Variants in LNPEP observed in about 807,000 individuals in gnomAD.
LNPEP encodes the protein leucyl and cystinyl aminopeptidase, also known as leucyl-cystinyl aminopeptidase.
Under a neutral mutation model 120.6 loss-of-function variants are expected in LNPEP, and 64 were observed. That is an observed-to-expected ratio of 0.53 (90% confidence interval 0.43 to 0.65). The LOEUF is 0.65. Ranked by LOEUF, LNPEP falls within the 30% of genes least tolerant of loss-of-function variation. The pLI is 0.00. For missense variants in LNPEP, 1,057 were observed against 1,200.0 expected (o/e 0.88, Z 1.76); for synonymous variants, 435 against 425.4 (o/e 1.02, Z -0.28).
chr5:96,972,042 A>G lies in LNPEP; in HGVS notation c.20-7096A>G, dbSNP rs180820246. ...CTAGTAATTTTTTATTACATATTGA[A>G]TAGTGTCAATGGCACATGGTAGAGA... On this transcript the variant is annotated intron_variant, in intron 1 of 17. Coordinates refer to ENST00000231368, the MANE Select transcript of LNPEP (RefSeq NM_005575.3). Among the ~76,000 whole-genome samples the G allele has an allele frequency of 1.9e-3, 296 of 152,194 alleles. 1 individual carries two copies. Among genetic ancestry groups the G allele is most frequent in the African/African-American group, 6.8e-3 (284 of 41,514 alleles).
intron 1 of LNPEP, among the ~76,000 whole-genome samples, chr5:96,955,396 C>G (rs1006958818): frequency 1.3e-5 from 2 of 152,222 alleles, no homozygotes; most frequent in East Asian, 3.9e-4. Context: ...GGGCAGATCA[C>G]TTGAGGCCAG....
rs1360414938 is a variant in LNPEP, at chr5:97,024,601, A to G, written c.2642A>G (p.Tyr881Cys). Residue 881 changes from tyrosine to cysteine, a missense_variant, in exon 15 of 18, where the codon TAC becomes TGC. Tyr to Cys is a radical substitution (Grantham distance 194). Transcript: ENST00000231368. ...DKGWSFLLGK[Y>C]ISIGSEAEKN... ...GGCTGGTCATTCCTTTTGGGCAAAT[A>G]CATTTCTATAGGCTCTGAAGCAGAG... 3 of 1,614,006 alleles carry G rather than the reference A, an allele frequency of 1.9e-6. No homozygotes were observed. Among genetic ancestry groups the G allele is most frequent in the African/African-American group, 1.3e-5 (1 of 74,938 alleles).
At position 96,976,926 on chromosome 5, in the gene LNPEP, C is replaced by CTT. The variant is rs11390165; in HGVS notation, c.20-2202_20-2201dup. ...CTATTAACTATCAAAACAGAACATACTTTTTTTTTTTAACAAGAAATTGGG... is the reference window on the plus strand; with the variant it reads ...CTATTAACTATCAAAACAGAACATACTTTTTTTTTTTTTAACAAGAAATTGGG... On this transcript the variant is annotated intron_variant, in intron 1 of 17. Transcript: ENST00000231368. Among the ~76,000 whole-genome samples, 1,452 of 148,170 alleles carry CTT rather than the reference C, an allele frequency of 9.8e-3. 12 individuals are homozygous for CTT. Among genetic ancestry groups the CTT allele is most frequent in the African/African-American group, 0.03 (1,212 of 40,486 alleles).
At chr5:96,990,077 T>C (rs780103684) in intron 4 of LNPEP, among the ~76,000 whole-genome samples, 8 of 152,214 alleles carry the variant, frequency 5.3e-5, no homozygotes, top group Non-Finnish European at 1.0e-4. Context: ...TTGAGGCAAC[T>C]GTAACACAAG....
In LNPEP at chr5:97,027,675, A is replaced by G. The variant is rs1442020995; in HGVS notation, c.2865-58A>G. 4.6e-6 allele frequency: 5 copies of G among 1,098,530 alleles called. No individual in the cohort carries two copies. The Admixed American group carries it at 6.9e-5, about 15-fold the overall frequency. 68.0% of individuals were successfully genotyped at this position (1,098,530 alleles called of 1,614,324 possible). A position where few individuals can be genotyped will look rare whatever the true frequency, so the allele number is the denominator to read the frequency against. ...TTAAAGACTTTTCCTTGCACTCAGGAACAACGCTTTACCAGCAGCTGCCTA... is the reference window on the plus strand; with the variant it reads ...TTAAAGACTTTTCCTTGCACTCAGGGACAACGCTTTACCAGCAGCTGCCTA... On this transcript the variant is annotated intron_variant, in intron 16 of 17. Transcript: ENST00000231368.
chr5:96,966,025 T>C (rs1022596667), intron 1 of LNPEP, among the ~76,000 whole-genome samples: 1 of 152,144 alleles, frequency 6.6e-6, no homozygotes, highest in Non-Finnish European at 1.5e-5. Flanking sequence ...GAATTTCTCC[T>C]TTTCAACTAA....
At chr5:96,985,764 T>G (rs903089193) in intron 3 of LNPEP, among the ~76,000 whole-genome samples, 1 of 151,622 alleles carries the variant, frequency 6.6e-6, no homozygotes, top group Non-Finnish European at 1.5e-5. Context: ...TTTTGTTTTT[T>G]TTTTTTTGGT....
At chr5:96,975,120 T>C (rs1789958392) in intron 1 of LNPEP, among the ~76,000 whole-genome samples, 1 of 152,132 alleles carries the variant, frequency 6.6e-6, no homozygotes, top group Non-Finnish European at 1.5e-5. Flanking sequence ...GGTGAGGAAA[T>C]TGAGGCTAAG....
At chr5:96,964,498 T>C (rs1261252718) in intron 1 of LNPEP, among the ~76,000 whole-genome samples, 1 of 152,086 alleles carries the variant, frequency 6.6e-6, no homozygotes, top group East Asian at 1.9e-4. Context: ...TTTTGAATAC[T>C]TTTCTATGTT....
At position 97,032,468 on chromosome 5, in the gene LNPEP, A is replaced by G. The variant is rs1461895839; in HGVS notation, c.*3935A>G. ...TTTTTTCAGTGGTTTTTTTGGGAGT[A>G]TATACTTTAAAAATGTACATACATG... On this transcript the variant is annotated 3_prime_UTR_variant, in exon 18 of 18. Coordinates refer to ENST00000231368, the MANE Select transcript of LNPEP (RefSeq NM_005575.3). 3 of 152,118 alleles carry G rather than the reference A, an allele frequency of 2.0e-5. No individual in the cohort carries two copies. The highest frequency in any genetic ancestry group is 4.4e-5 in the Non-Finnish European group (3 of 68,030). The allele number at this position is 152,118 out of a possible 1,614,324, so 9.4% of individuals were successfully genotyped here.
rs1049243178 is a variant in LNPEP, at chr5:97,029,663, G to A, written c.*1130G>A. ...TGTGGGATAGGAGTAACTTGAATTC[G>A]TGTTTAGTATGGTGGGCTTTGAATT... On this transcript the variant is annotated 3_prime_UTR_variant, in exon 18 of 18. Coordinates refer to ENST00000231368, the MANE Select transcript of LNPEP (RefSeq NM_005575.3). The A allele has an allele frequency of 2.0e-5, 3 of 152,162 alleles. No individual in the cohort carries two copies. Among genetic ancestry groups the A allele is most frequent in the East Asian group, 1.9e-4 (1 of 5,200 alleles). 9.4% of individuals were successfully genotyped at this position (152,162 alleles called of 1,614,324 possible).
intron 17 of LNPEP, among the ~76,000 whole-genome samples, chr5:97,028,084 C>A (rs1233519741): frequency 6.6e-6 from 1 of 152,156 alleles, no homozygotes; most frequent in Non-Finnish European, 1.5e-5. Flanking sequence ...GAATTGCATT[C>A]TTGGGGTGAA....
intron 1 of LNPEP, among the ~76,000 whole-genome samples, chr5:96,957,121 C>T (rs554913173): frequency 3.9e-5 from 6 of 152,094 alleles, no homozygotes; most frequent in South Asian, 4.1e-4. Flanking sequence ...CTGGTGATTG[C>T]GTTTTCCATT....
rs1014876562 is a variant in LNPEP, at chr5:97,036,606, C to T, written c.*8073C>T. On this transcript the variant is annotated 3_prime_UTR_variant, in exon 18 of 18. Coordinates refer to ENST00000231368, the MANE Select transcript of LNPEP (RefSeq NM_005575.3). ...CCTCCCTCCCTCCCTCTCTGCTCTC[C>T]TCCCTTCCTTCAGGCCTCTTAGCAT... 1.3e-5 allele frequency: 2 copies of T among 152,172 alleles called. No individual in the cohort carries two copies. The highest frequency in any genetic ancestry group is 2.9e-5 in the Non-Finnish European group (2 of 68,032). The allele number at this position is 152,172 out of a possible 1,614,324, so 9.4% of individuals were successfully genotyped here.
chr5:96,977,460 A>C, intron 1 of LNPEP, among the ~76,000 whole-genome samples: 1 of 152,106 alleles, frequency 6.6e-6, no homozygotes, highest in African/African-American at 2.4e-5. Context: ...AATGGTATTT[A>C]GTGCTGGCTG....
chr5:96,937,420 C>G (rs1788935350), intron 1 of LNPEP: 1 of 152,164 alleles, frequency 6.6e-6, no homozygotes, highest in African/African-American at 2.4e-5. Context: ...TCTGAATTTT[C>G]TTTCTCATTC....
At chr5:96,992,060 T>A in intron 4 of LNPEP, among the ~76,000 whole-genome samples, 1 of 152,194 alleles carries the variant, frequency 6.6e-6, no homozygotes, top group East Asian at 1.9e-4. Flanking sequence ...TAAAACCCAT[T>A]GCTTTGAACA....
chr5:97,011,280 C>T (rs984343164), intron 11 of LNPEP: 1 of 772,406 alleles, frequency 1.3e-6, no homozygotes, highest in African/African-American at 1.9e-5. Context: ...GGCTAAGGTA[C>T]AGTGGCATGA....
intron 12 of LNPEP, 64 bp downstream of exon 12, chr5:97,013,895 T>C (rs1790997897): frequency 1.6e-6 from 2 of 1,219,554 alleles, no homozygotes; most frequent in Admixed American, 2.4e-5. Context: ...GTAAAGAACA[T>C]ATATGAAAAA....
Sources: gnomAD v4.1 joint callset for allele counts (sites outside exome capture counted in the v4.1 genomes callset) on GRCh38, gnomAD v4.1.1 for gene constraint, MANE v1.5 for transcripts, NCBI Gene and HGNC (gene_info 2026-07-23, HGNC 2026-07-21) for gene names.